The following DMXL1 variants were observed in gnomAD, a reference collection of about 807,000 sequenced individuals.
DMXL1 encodes the protein Dmx like 1.
A neutral mutation model predicts 319.2 loss-of-function variants in DMXL1; 99 were observed. The ratio of observed to expected loss-of-function variants is 0.31; its 90% confidence interval spans 0.26 to 0.37. DMXL1 has a LOEUF of 0.37. Ranked by LOEUF, DMXL1 falls within the 10% of genes least tolerant of loss-of-function variation. The pLI, the probability that DMXL1 is intolerant of heterozygous loss-of-function variation, is 1.00. For missense variants in DMXL1, 3,745 were observed against 3,595.6 expected (o/e 1.04, Z -1.06); for synonymous variants, 1,385 against 1,235.2 (o/e 1.12, Z -2.54).
intron 34 of DMXL1, among the ~76,000 whole-genome samples, chr5:119,215,449 C>T (rs554922217): frequency 2.6e-5 from 4 of 151,946 alleles, no homozygotes; most frequent in East Asian, 1.9e-4. Context: ...CTGGGATTAC[C>T]GATGCGCACC....
chr5:119,145,035 A>G lies in DMXL1; in HGVS notation c.2569+397A>G, dbSNP rs139682778. 1.7e-3 allele frequency among the ~76,000 whole-genome samples: 261 copies of G among 151,914 alleles called. 1 individual carries two copies. Among genetic ancestry groups the G allele is most frequent in the African/African-American group, 5.9e-3 (247 of 41,546 alleles). On this transcript the variant is annotated intron_variant, in intron 15 of 43. Coordinates refer to ENST00000539542, the MANE Select transcript of DMXL1 (RefSeq NM_001290321.3). ...ATTTAAAAACTAATTGTCTTAATTA[A>G]TGCTTTTATAATAAAAGTTTTTAAA...
At chr5:119,126,628 T>C (rs1763639876) in intron 9 of DMXL1, among the ~76,000 whole-genome samples, 1 of 152,156 alleles carries the variant, frequency 6.6e-6, no homozygotes, top group South Asian at 2.1e-4. Context: ...CAAAAAAAAT[T>C]TTTGTCCTGC....
intron 26 of DMXL1, among the ~76,000 whole-genome samples, chr5:119,177,101 C>A (rs571633062): frequency 1.1e-4 from 16 of 152,168 alleles, no homozygotes; most frequent in African/African-American, 3.6e-4. Context: ...AATCTTGCTA[C>A]TTGTGGTACA....
rs552033678 is a variant in DMXL1, at chr5:119,074,736, C to T, written c.87+3080C>T. On this transcript the variant is annotated intron_variant, in intron 1 of 43. Coordinates refer to ENST00000539542, the MANE Select transcript of DMXL1 (RefSeq NM_001290321.3). ...TGCTTTCAGAGCACTTTCTTTGCAT[C>T]TTTATTCTATCATTAACCAGTCTTG... 2.7e-3 allele frequency among the ~76,000 whole-genome samples: 410 copies of T among 152,302 alleles called. 3 individuals are homozygous for T. Among genetic ancestry groups the T allele is most frequent in the Middle Eastern group, 0.017 (5 of 294 alleles).
chr5:119,166,199 G>A (rs890867298), intron 21 of DMXL1, among the ~76,000 whole-genome samples: 2 of 152,246 alleles, frequency 1.3e-5, no homozygotes, highest in African/African-American at 2.4e-5. Context: ...ATAACAAATC[G>A]GTTTTCTAAG....
intron 1 of DMXL1, among the ~76,000 whole-genome samples, chr5:119,075,982 A>G (rs1193376304): frequency 6.6e-6 from 1 of 152,200 alleles, no homozygotes; most frequent in Non-Finnish European, 1.5e-5. Flanking sequence ...TACTATTGAT[A>G]TGATACTTTT....
rs1774660857 is a variant in DMXL1, at chr5:119,171,965, A to G, written c.6677A>G (p.Asn2226Ser). 1 of 1,609,120 alleles carries G rather than the reference A, an allele frequency of 6.2e-7. No homozygotes were observed. Among genetic ancestry groups the G allele is most frequent in the Non-Finnish European group, 8.5e-7 (1 of 1,177,580 alleles). ...DSPPHPDIQSNKVYVMHTLAA... is the reference protein window; with the variant it reads ...DSPPHPDIQSSKVYVMHTLAA... ...CCACCCCACCCTGATATCCAAAGCA[A>G]TAAAGTAAGTATGCTTGGTTTCAAG... The change falls in exon 25 of 44, where the codon AAT becomes AGT. Residue 2226 changes from asparagine (N) to serine (S), a missense_variant. Around this residue, in one of 4 missense-constraint regions of DMXL1, gnomAD observed 1,382 missense variants for 1,269.5 expected, o/e 1.09. Coordinates refer to ENST00000539542, the MANE Select transcript of DMXL1 (RefSeq NM_001290321.3).
chr5:119,165,106 G>A, intron 20 of DMXL1, 77 bp from the exon 21 acceptor site: 1 of 835,186 alleles, frequency 1.2e-6, no homozygotes, highest in Non-Finnish European at 2.0e-6. Flanking sequence ...ATGGATATGT[G>A]CCAGCCTTTC....
chr5:119,123,202 C>G (rs1762614667), intron 9 of DMXL1, among the ~76,000 whole-genome samples: 2 of 151,826 alleles, frequency 1.3e-5, no homozygotes, highest in African/African-American at 4.8e-5. Context: ...ACTCGGCAGG[C>G]TGAGGCAGGA....
At chr5:119,158,116 T>G (rs1374374522) in intron 19 of DMXL1, among the ~76,000 whole-genome samples, 4 of 152,014 alleles carry the variant, frequency 2.6e-5, no homozygotes, top group Non-Finnish European at 5.9e-5. Context: ...TTTCTTAAAC[T>G]CCTGAGCTCA....
chr5:119,144,062 CATAATAG>C, intron 14 of DMXL1, 132 bp downstream of exon 14: 2 of 571,586 alleles, frequency 3.5e-6, no homozygotes, highest in East Asian at 6.4e-5. Flanking sequence ...TAACTCATCA[CATAATAG>C]ATAACATATT....
At position 119,247,750 on chromosome 5, in the gene DMXL1, A is replaced by T. The variant is rs17145034; in HGVS notation, c.*531A>T. ...AGTGATAAATGAGCTAGATGGCTCA[A>T]TATGTAAGGTTTTCAGTAGTTTACC... On this transcript the variant is annotated 3_prime_UTR_variant, in exon 44 of 44. Transcript: ENST00000539542. 3 of 152,650 alleles carry T rather than the reference A, an allele frequency of 2.0e-5. No individual in the cohort carries two copies. The highest frequency in any genetic ancestry group is 7.3e-5 in the African/African-American group (3 of 41,374). The allele number at this position is 152,650 out of a possible 1,614,324, so 9.5% of individuals were successfully genotyped here.
At chr5:119,199,500 A>G (rs1002431580) in intron 32 of DMXL1, among the ~76,000 whole-genome samples, 5 of 152,086 alleles carry the variant, frequency 3.3e-5, no homozygotes, top group African/African-American at 7.2e-5. Flanking sequence ...TTTCTTTGCT[A>G]TTGTGAATAA....
chr5:119,202,351 T>C (rs1780855468), intron 32 of DMXL1, among the ~76,000 whole-genome samples: 1 of 152,154 alleles, frequency 6.6e-6, no homozygotes, highest in Non-Finnish European at 1.5e-5. Context: ...GACCTCTCCA[T>C]GCTTCTTTAA....
chr5:119,133,939 C>A lies in DMXL1; in HGVS notation c.2015C>A (p.Pro672His), dbSNP rs753392077. Residue 672 changes from proline to histidine, a missense_variant, in exon 12 of 44, where the codon CCT becomes CAT. Physicochemically the swap from Pro to His is moderately conservative, Grantham distance 77. Transcript: ENST00000539542. ...RTPDVDNPEQ[P>H]FDALNIEECS... ...CCAGATGTTGATAACCCAGAGCAAC[C>A]TTTTGATGCTCTAAATATTGAAGAA... 5.6e-6 allele frequency: 9 copies of A among 1,613,990 alleles called. No individual in the cohort carries two copies. The highest frequency in any genetic ancestry group is 7.6e-6 in the Non-Finnish European group (9 of 1,180,000).
chr5:119,165,516 T>C (rs1773236070), intron 21 of DMXL1, among the ~76,000 whole-genome samples: 1 of 152,226 alleles, frequency 6.6e-6, no homozygotes, highest in Non-Finnish European at 1.5e-5. Context: ...AGAAACAATA[T>C]TTTGCTTAAG....
chr5:119,236,385 GTA>G (rs1389607789), intron 39 of DMXL1: 3 of 151,950 alleles, frequency 2.0e-5, no homozygotes, highest in Admixed American at 1.3e-4. Flanking sequence ...AAAGGTATAT[GTA>G]TATATAGGAA....
chr5:119,071,496 A>G lies in DMXL1; in HGVS notation c.-74A>G, dbSNP rs1043357839. 3.6e-6 allele frequency: 5 copies of G among 1,405,098 alleles called. No individual in the cohort carries two copies. In the African/African-American group the frequency reaches 7.2e-5, roughly 20 times the overall value. The allele number at this position is 1,405,098 out of a possible 1,614,324, so 87.0% of individuals were successfully genotyped here. A position where few individuals can be genotyped will look rare whatever the true frequency, so the allele number is the denominator to read the frequency against. On this transcript the variant is annotated 5_prime_UTR_variant, in exon 1 of 44. Coordinates refer to ENST00000539542, the MANE Select transcript of DMXL1 (RefSeq NM_001290321.3). The stretch of plus-strand genomic sequence containing the variant: ...AAGAGCGGCCGCCGCCCCTGAGGGA[A>G]GGAGGGAGGGAAGCAGCCGCTGACC...
Position 119,164,683 on chromosome 5 carries a change from G to A in DMXL1, c.4872+7G>A, listed in dbSNP as rs1773040267. 1.9e-6 allele frequency: 3 copies of A among 1,585,642 alleles called. No individual in the cohort carries two copies. The highest frequency in any genetic ancestry group is 1.7e-4 in the Middle Eastern group (1 of 5,944). ...ACGCAAATGCATAGAAAAAGTAAGT[G>A]TTTTATTTTGGTGTATAAGTGAATT... On this transcript the variant is annotated splice_region_variant and intron_variant, in intron 20 of 43. Transcript: ENST00000539542.
Sources: allele counts gnomAD v4.1 joint callset (sites outside exome capture counted in the v4.1 genomes callset), GRCh38; gene constraint gnomAD v4.1.1; regional missense constraint gnomAD v4.1.1; transcripts MANE v1.5; gene names NCBI Gene and HGNC (gene_info 2026-07-23, HGNC 2026-07-21).